ROBO2: variants seen among roughly 807,000 people sequenced by gnomAD.
ROBO2 encodes the protein roundabout guidance receptor 2.
A neutral mutation model predicts 160.8 loss-of-function variants in ROBO2; 53 were observed. The ratio of observed to expected loss-of-function variants is 0.33; its 90% CI spans 0.26 to 0.41. The LOEUF (loss-of-function observed/expected upper bound fraction) is 0.41, where lower values mean the gene tolerates loss of function less well. Among genes scored for constraint, ROBO2 ranks in the 10% least tolerant of loss-of-function variants. The probability of loss-of-function intolerance (pLI) is 1.00; values close to 1 mark genes in which losing one functional copy is unlikely to be tolerated. For missense variants in ROBO2, 1,577 were observed against 1,722.4 expected (o/e 0.92, Z 1.49); for synonymous variants, 664 against 611.7 (o/e 1.09, Z -1.26).
intron 2 of ROBO2, among the ~76,000 whole-genome samples, chr3:77,141,178 A>G (rs1033817496): frequency 6.6e-6 from 1 of 152,210 alleles, no homozygotes; most frequent in African/African-American, 2.4e-5. Flanking sequence ...CTTGAGAATT[A>G]AAGTCTGCAT....
At chr3:76,510,255 A>G (rs771316798) in intron 2 of ROBO2, among the ~76,000 whole-genome samples, 1 of 152,212 alleles carries the variant, frequency 6.6e-6, no homozygotes, top group Non-Finnish European at 1.5e-5. Context: ...AAAAAGGGTA[A>G]GCATTTATGT....
chr3:76,945,865 T>A (rs1437879026), intron 2 of ROBO2, among the ~76,000 whole-genome samples: 1 of 152,208 alleles, frequency 6.6e-6, no homozygotes, highest in Non-Finnish European at 1.5e-5. Flanking sequence ...TTATGACTGC[T>A]TTAATATCTT....
chr3:76,597,077 A>G (rs894490169), intron 2 of ROBO2, among the ~76,000 whole-genome samples: 1 of 152,142 alleles, frequency 6.6e-6, no homozygotes, highest in African/African-American at 2.4e-5. Flanking sequence ...TAAAAAATGA[A>G]TCCAACATAA....
At chr3:77,559,215 A>T (rs2093236828) in intron 9 of ROBO2, among the ~76,000 whole-genome samples, 2 of 152,066 alleles carry the variant, frequency 1.3e-5, no homozygotes, top group Non-Finnish European at 2.9e-5. Flanking sequence ...ACATACTGAC[A>T]CTTTTGCAAT....
intron 2 of ROBO2, among the ~76,000 whole-genome samples, chr3:77,303,789 T>C (rs1206344322): frequency 2.6e-5 from 4 of 151,946 alleles, no homozygotes; most frequent in African/African-American, 9.7e-5. Flanking sequence ...CAATGAAATA[T>C]TTTATATACA....
intron 6 of ROBO2, among the ~76,000 whole-genome samples, chr3:77,523,305 G>A (rs950454166): frequency 6.6e-6 from 1 of 151,316 alleles, no homozygotes; most frequent in African/African-American, 2.4e-5. Context: ...GTAGCATACT[G>A]TTTTGAAGTC....
intron 2 of ROBO2, among the ~76,000 whole-genome samples, chr3:76,066,173 G>A (rs1002274792): frequency 1.5e-4 from 23 of 151,992 alleles, no homozygotes; most frequent in Admixed American, 3.9e-4. Flanking sequence ...AGAATGTCAT[G>A]ATGAATCATA....
At chr3:77,084,651 TCA>T (rs2069078476) in intron 1 of ROBO2, among the ~76,000 whole-genome samples, 1 of 151,672 alleles carries the variant, frequency 6.6e-6, no homozygotes, top group Non-Finnish European at 1.5e-5. Flanking sequence ...CTGGGGATGA[TCA>T]GTTTCATTTG....
At chr3:76,895,779 A>G (rs111840994) in intron 2 of ROBO2, among the ~76,000 whole-genome samples, 2,253 of 152,302 alleles carry the variant, frequency 0.015, 35 homozygotes, top group African/African-American at 0.049. Flanking sequence ...CATTTACTCG[A>G]ATTAGGTTAC....
intron 2 of ROBO2, among the ~76,000 whole-genome samples, chr3:76,584,746 T>A (rs2108763247): frequency 6.6e-6 from 1 of 152,266 alleles, no homozygotes; most frequent in Middle Eastern, 3.4e-3. Context: ...ACCACTGCCA[T>A]TCACATATGT....
At chr3:77,466,033 T>C (rs954507937) in intron 2 of ROBO2, among the ~76,000 whole-genome samples, 1 of 152,192 alleles carries the variant, frequency 6.6e-6, no homozygotes, top group Admixed American at 6.6e-5. Flanking sequence ...GATTGCTGAA[T>C]GTTAACTACT....
At chr3:77,065,337 T>G (rs2066728753) in intron 1 of ROBO2, among the ~76,000 whole-genome samples, 1 of 152,210 alleles carries the variant, frequency 6.6e-6, no homozygotes, top group Admixed American at 6.5e-5. Context: ...TTTATGGAAA[T>G]AAATTTTGTC....
chr3:77,604,837 A>T (rs1446962364), intron 20 of ROBO2, among the ~76,000 whole-genome samples: 1 of 152,142 alleles, frequency 6.6e-6, no homozygotes, highest in African/African-American at 2.4e-5. Context: ...ATTTAAAATA[A>T]TCACAGTGAT....
chr3:77,295,260 T>C (rs1437054093), intron 2 of ROBO2, among the ~76,000 whole-genome samples: 2 of 148,262 alleles, frequency 1.3e-5, no homozygotes, highest in Non-Finnish European at 3.0e-5. Context: ...AAATTGACGA[T>C]TAAACGGTAA....
chr3:75,928,546 C>T (rs751695966), intron 1 of ROBO2, among the ~76,000 whole-genome samples: 3 of 152,166 alleles, frequency 2.0e-5, no homozygotes, highest in Non-Finnish European at 2.9e-5. Context: ...TAACAAAGTT[C>T]ATCAGTCCTG....
At chr3:76,458,603 A>G (rs1370529685) in intron 2 of ROBO2, among the ~76,000 whole-genome samples, 1 of 152,046 alleles carries the variant, frequency 6.6e-6, no homozygotes, top group African/African-American at 2.4e-5. Context: ...ACCCCACTCT[A>G]CTGATACCAA....
chr3:76,753,713 TA>T lies in ROBO2; in HGVS notation c.110-344300del, dbSNP rs200719641. On this transcript the variant is annotated intron_variant, in intron 2 of 26. Transcript: ENST00000487694. ...TATTTAAAAAGACAGAACGCTCCAA[TA>T]TTTTCTGTTCTAATATTTTAACTTT... 8.3e-3 allele frequency among the ~76,000 whole-genome samples: 1,265 copies of T among 152,000 alleles called. 14 individuals are homozygous for T. The highest frequency in any genetic ancestry group is 0.029 in the African/African-American group (1,189 of 41,524).
chr3:76,629,365 G>C (rs1024530623), intron 2 of ROBO2, among the ~76,000 whole-genome samples: 1 of 152,116 alleles, frequency 6.6e-6, no homozygotes, highest in Non-Finnish European at 1.5e-5. Context: ...GTTTATTAAG[G>C]AGTGTTGATT....
chr3:77,334,928 C>A (rs1483196275), intron 2 of ROBO2, among the ~76,000 whole-genome samples: 2 of 152,144 alleles, frequency 1.3e-5, no homozygotes, highest in African/African-American at 2.4e-5. Context: ...TTCCATTTGA[C>A]ATTTTTAAGT....
Sources: gnomAD v4.1 joint callset for allele counts (sites outside exome capture counted in the v4.1 genomes callset) on GRCh38, gnomAD v4.1.1 for gene constraint, MANE v1.5 for transcripts, NCBI Gene and HGNC (gene_info 2026-07-23, HGNC 2026-07-21) for gene names.